Variants in GRID1 observed in about 807,000 individuals in gnomAD.
GRID1 encodes glutamate receptor ionotropic, delta-1.
A neutral mutation model predicts 98.0 loss-of-function variants in GRID1; 28 were observed. The observed-to-expected ratio is 0.29, with a 90% CI of 0.21 to 0.39. GRID1 has a LOEUF of 0.39. Among genes scored for constraint, GRID1 ranks in the 10% least tolerant of loss-of-function variants. The pLI, the probability that GRID1 is intolerant of heterozygous loss-of-function variation, is 1.00. For missense variants in GRID1, 1,111 were observed against 1,340.5 expected, an observed-to-expected ratio of 0.83 and a Z score of 2.67; for synonymous variants, 553 against 538.5, an observed-to-expected ratio of 1.03 and a Z score of -0.37.
At chr10:86,088,289 A>C (rs1003414978) in intron 4 of GRID1, among the ~76,000 whole-genome samples, 3 of 152,242 alleles carry the variant, frequency 2.0e-5, no homozygotes, top group Admixed American at 6.5e-5. Flanking sequence ...ATAAGAAGGA[A>C]AAGAGAGAGA....
Position 85,628,947 on chromosome 10 carries a change from G to A in GRID1, c.2194-8914C>T, listed in dbSNP as rs116447124. Among the ~76,000 whole-genome samples the A allele has an allele frequency of 5.6e-3, 859 of 152,236 alleles. 9 individuals carry two copies. Among genetic ancestry groups the A allele is most frequent in the African/African-American group, 0.02 (829 of 41,526 alleles). On this transcript the variant is annotated intron_variant, in intron 13 of 15. Coordinates refer to ENST00000327946, the MANE Select transcript of GRID1 (RefSeq NM_017551.3). ...GTGGCATGCAGAGCACAGACATGAG[G>A]GCAGCCCTTAGCTTTGTCATGAAAG... is the stretch of plus-strand genomic sequence containing the variant.
chr10:85,996,034 A>C (rs142967967), intron 4 of GRID1, among the ~76,000 whole-genome samples: 1 of 152,344 alleles, frequency 6.6e-6, no homozygotes, highest in African/African-American at 2.4e-5. Flanking sequence ...ATGCTTTCAA[A>C]CCTGAGCTGA....
intron 5 of GRID1, among the ~76,000 whole-genome samples, chr10:85,910,148 G>A (rs531952231): frequency 6.6e-6 from 1 of 152,288 alleles, no homozygotes; most frequent in East Asian, 1.9e-4. Flanking sequence ...AAACGTAATT[G>A]TTTTCGAGTG....
In GRID1 at chr10:86,225,194, G is replaced by A. The variant is rs766232997; in HGVS notation, c.236-18546C>T. On this transcript the variant is annotated intron_variant, in intron 2 of 15. Coordinates refer to ENST00000327946, the MANE Select transcript of GRID1 (RefSeq NM_017551.3). ...GACATTTCCCAGCCCCTCCCAGGCC[G>A]GTGGGGAGCTGAATAGCTCAGTGAC... Among the ~76,000 whole-genome samples the A allele has an allele frequency of 2.0e-4, 30 of 152,136 alleles. 1 individual carries two copies. The highest frequency in any genetic ancestry group is 4.4e-5 in the Non-Finnish European group (3 of 68,022).
chr10:85,919,333 AC>A (rs1379946787), intron 4 of GRID1, among the ~76,000 whole-genome samples: 1 of 152,246 alleles, frequency 6.6e-6, no homozygotes, highest in East Asian at 1.9e-4. Context: ...TTTCTGTCCT[AC>A]TTTTCCTCAC....
intron 4 of GRID1, among the ~76,000 whole-genome samples, chr10:86,082,934 C>A (rs1003718536): frequency 3.3e-5 from 5 of 152,318 alleles, no homozygotes; most frequent in Admixed American, 2.6e-4. Context: ...GATCTCAGCT[C>A]TGGGTTTCTG....
In GRID1 at chr10:85,862,604, A is replaced by G. The variant is rs574739781; in HGVS notation, c.951+6406T>C. 3.4e-4 allele frequency among the ~76,000 whole-genome samples: 52 copies of G among 152,290 alleles called. 3 individuals are homozygous for G. In the South Asian group the frequency reaches 0.011, roughly 31 times the overall value. Reference sequence around the variant, plus strand: ...AGGAGGCGTCTCTGGGAAGCAGGAGAGAACTCAGCCGTGAGCTCTTGTTGG... The same window carrying G: ...AGGAGGCGTCTCTGGGAAGCAGGAGGGAACTCAGCCGTGAGCTCTTGTTGG... On this transcript the variant is annotated intron_variant, in intron 6 of 15. Coordinates refer to ENST00000327946, the MANE Select transcript of GRID1 (RefSeq NM_017551.3).
chr10:86,067,895 A>G (rs1843743022), intron 4 of GRID1, among the ~76,000 whole-genome samples: 1 of 152,152 alleles, frequency 6.6e-6, no homozygotes. Context: ...CCCCTGCCCC[A>G]TCCTGCTACC....
chr10:85,622,449 C>T (rs1401048287), intron 13 of GRID1, among the ~76,000 whole-genome samples: 1 of 152,002 alleles, frequency 6.6e-6, no homozygotes, highest in Admixed American at 6.5e-5. Context: ...CTATGTTGCC[C>T]AGGCTGAACT....
At chr10:85,993,464 A>G (rs988876320) in intron 4 of GRID1, among the ~76,000 whole-genome samples, 1 of 152,234 alleles carries the variant, frequency 6.6e-6, no homozygotes, top group South Asian at 2.1e-4. Flanking sequence ...TATATCAATC[A>G]AATGGGGTCA....
At chr10:86,298,290 T>C (rs1847624044) in intron 2 of GRID1, among the ~76,000 whole-genome samples, 1 of 152,170 alleles carries the variant, frequency 6.6e-6, no homozygotes, top group African/African-American at 2.4e-5. Flanking sequence ...ACCAAAGCTG[T>C]AGTTGTGCCA....
chr10:86,272,032 G>C (rs1458025072), intron 2 of GRID1, among the ~76,000 whole-genome samples: 1 of 152,082 alleles, frequency 6.6e-6, no homozygotes, highest in Non-Finnish European at 1.5e-5. Flanking sequence ...AAGGCAGCCA[G>C]AGAAATATAT....
chr10:86,362,398 G>A (rs1223436119), intron 2 of GRID1, among the ~76,000 whole-genome samples: 1 of 152,164 alleles, frequency 6.6e-6, no homozygotes, highest in Non-Finnish European at 1.5e-5. Context: ...CTGCTGGTGG[G>A]ACACGACCAG....
At chr10:86,061,730 A>C (rs939181958) in intron 4 of GRID1, among the ~76,000 whole-genome samples, 27 of 152,178 alleles carry the variant, frequency 1.8e-4, no homozygotes, top group African/African-American at 6.5e-4. Flanking sequence ...CTCAGGCTTC[A>C]CCAAGACTCC....
intron 5 of GRID1, among the ~76,000 whole-genome samples, chr10:85,915,195 C>G (rs1241802810): frequency 6.6e-6 from 1 of 152,094 alleles, no homozygotes; most frequent in Admixed American, 6.5e-5. Flanking sequence ...TGGTTGCACA[C>G]ACAAACATAC....
At chr10:86,208,304 A>G (rs749204191) in intron 2 of GRID1, among the ~76,000 whole-genome samples, 4 of 152,062 alleles carry the variant, frequency 2.6e-5, no homozygotes, top group Non-Finnish European at 5.9e-5. Flanking sequence ...AGATGATGAG[A>G]TCTTGTGAAT....
intron 6 of GRID1, among the ~76,000 whole-genome samples, chr10:85,857,731 A>C (rs1843126432): frequency 6.6e-6 from 1 of 152,182 alleles, no homozygotes; most frequent in African/African-American, 2.4e-5. Flanking sequence ...CACCAGATAA[A>C]AATAGGAGAT....
chr10:86,129,060 C>T (rs1438792131), intron 4 of GRID1, among the ~76,000 whole-genome samples: 1 of 152,196 alleles, frequency 6.6e-6, no homozygotes, highest in Non-Finnish European at 1.5e-5. Flanking sequence ...GCCCTGTAGA[C>T]AGAAAGCCTA....
chr10:85,828,360 C>T (rs1481660485), intron 8 of GRID1, among the ~76,000 whole-genome samples: 2 of 151,670 alleles, frequency 1.3e-5, no homozygotes, highest in African/African-American at 4.8e-5. Flanking sequence ...AATGAACAAC[C>T]TAACATCATA....
Sources: gnomAD v4.1 joint callset for allele counts (sites outside exome capture counted in the v4.1 genomes callset) on GRCh38, gnomAD v4.1.1 for gene constraint, MANE v1.5 for transcripts, NCBI Gene and HGNC (gene_info 2026-07-23, HGNC 2026-07-21) for gene names.